Variants in RBBP4 observed in about 807,000 individuals in gnomAD.
The protein encoded by RBBP4 is RB binding protein 4, chromatin remodeling factor.
RBBP4 carries 3 observed loss-of-function variants against 57.2 expected under a neutral mutation model. The observed-to-expected ratio is 0.05, with a 90% CI of 0.02 to 0.14. RBBP4 has a LOEUF of 0.14. Among genes scored for constraint, RBBP4 ranks in the 10% least tolerant of loss-of-function variants. RBBP4 has a pLI of 1.00. For missense variants in RBBP4, 107 were observed against 520.6 expected (o/e 0.21, Z 7.73); for synonymous variants, 151 against 171.5 (o/e 0.88, Z 0.93).
rs1557855416 is a variant in RBBP4 at position 32,663,999 on chromosome 1, C to CT, written c.311-4226_311-4225insT. ...TGGTATGCAGTGGCGCGATCTCGGC[C>CT]CACTGCAAGCTCCGCCTCCTGGGTT... On this transcript the variant is annotated intron_variant, in intron 3 of 11. Coordinates refer to ENST00000373493, the MANE Select transcript of RBBP4 (RefSeq NM_005610.3). Among the ~76,000 whole-genome samples the CT allele has an allele frequency of 4.8e-4, 73 of 150,804 alleles. 1 individual carries two copies. The highest frequency in any genetic ancestry group is 1.8e-3 in the African/African-American group (72 of 40,928).
At chr1:32,655,284 T>G (rs1006270465) in intron 2 of RBBP4, among the ~76,000 whole-genome samples, 1 of 152,190 alleles carries the variant, frequency 6.6e-6, no homozygotes, top group Non-Finnish European at 1.5e-5. Flanking sequence ...GCCCTGTTTT[T>G]GTTTTTTAAG....
At chr1:32,675,762 C>CT (rs1160437461) in intron 11 of RBBP4, among the ~76,000 whole-genome samples, 1 of 151,866 alleles carries the variant, frequency 6.6e-6, no homozygotes, top group Non-Finnish European at 1.5e-5. Flanking sequence ...GGGCGAGACT[C>CT]TGTCTCAAAA....
chr1:32,676,481 G>T (rs1189681242), intron 11 of RBBP4, among the ~76,000 whole-genome samples: 1 of 151,834 alleles, frequency 6.6e-6, no homozygotes, highest in Non-Finnish European at 1.5e-5. Flanking sequence ...ATGGTGACGG[G>T]CGCCTGTAAT....
At chr1:32,676,098 C>T (rs764843888) in intron 11 of RBBP4, among the ~76,000 whole-genome samples, 2 of 151,982 alleles carry the variant, frequency 1.3e-5, no homozygotes, top group African/African-American at 4.8e-5. Flanking sequence ...TCCCTTGAGG[C>T]CAGGAGTTTG....
chr1:32,663,615 C>T (rs1034024411), intron 3 of RBBP4, among the ~76,000 whole-genome samples: 5 of 149,892 alleles, frequency 3.3e-5, no homozygotes, highest in African/African-American at 9.8e-5. Context: ...CTCGCTTTAT[C>T]GCCCAGGCTG....
At chr1:32,668,120 C>A in intron 3 of RBBP4, 105 bp from the exon 4 acceptor site, 1 of 1,056,866 alleles carries the variant, frequency 9.5e-7, no homozygotes, top group Non-Finnish European at 1.4e-6. Context: ...AGTATTATGC[C>A]AGTTTGTTGC....
intron 2 of RBBP4, among the ~76,000 whole-genome samples, chr1:32,654,555 A>G (rs1648050651): frequency 6.6e-6 from 1 of 152,264 alleles, no homozygotes. Flanking sequence ...CCCAAGTAAT[A>G]TAATAGAATG....
chr1:32,656,200 T>A (rs1648131147), intron 2 of RBBP4, among the ~76,000 whole-genome samples: 1 of 152,188 alleles, frequency 6.6e-6, no homozygotes, highest in Admixed American at 6.6e-5. Context: ...TTTATTTTTT[T>A]CTTTTTTGAG....
rs1557849770 is a variant in RBBP4, at chr1:32,653,637, G to GTTTTTTTTGTTTTTTTTTTTTTTTTT, written c.164+1584_164+1585insGTTTTTTTTTTTTTTTTTTTTTTTTT. On this transcript the variant is annotated intron_variant, in intron 2 of 11. Transcript: ENST00000373493. ...TGCTTTGTGTGTTTTTTGTTTTCTG[G>GTTTTTTTTGTTTTTTTTTTTTTTTTT]TTTTTTTTTTTTTTTTTTTTTTGTT... Among the ~76,000 whole-genome samples the GTTTTTTTTGTTTTTTTTTTTTTTTTT allele has an allele frequency of 4.8e-4, 10 of 20,782 alleles. 3 individuals are homozygous for GTTTTTTTTGTTTTTTTTTTTTTTTTT. Among genetic ancestry groups the GTTTTTTTTGTTTTTTTTTTTTTTTTT allele is most frequent in the Admixed American group, 8.8e-4 (1 of 1,134 alleles). 13.6% of individuals were successfully genotyped at this position (20,782 alleles called of 152,430 possible). A position where few individuals can be genotyped will look rare whatever the true frequency, so the allele number is the denominator to read the frequency against.
intron 11 of RBBP4, among the ~76,000 whole-genome samples, chr1:32,674,886 C>T (rs1426738812): frequency 6.6e-6 from 1 of 151,736 alleles, no homozygotes; most frequent in Admixed American, 6.6e-5. Context: ...CACCACCATG[C>T]CCGGCTAGTT....
At chr1:32,675,412 A>C (rs1416898004) in intron 11 of RBBP4, among the ~76,000 whole-genome samples, 1 of 151,900 alleles carries the variant, frequency 6.6e-6, no homozygotes, top group Non-Finnish European at 1.5e-5. Flanking sequence ...CTACATCCAT[A>C]CTTTTTTTTT....
intron 3 of RBBP4, among the ~76,000 whole-genome samples, chr1:32,658,015 G>C (rs189159152): frequency 1.3e-5 from 2 of 152,062 alleles, no homozygotes; most frequent in Non-Finnish European, 2.9e-5. Context: ...ACCACGCCTA[G>C]TTAATTTTTG....
intron 3 of RBBP4, among the ~76,000 whole-genome samples, chr1:32,665,401 G>A (rs891731894): frequency 1.3e-5 from 2 of 152,014 alleles, no homozygotes; most frequent in East Asian, 3.9e-4. Context: ...CACTAGGCCC[G>A]GCCCAGTGGC....
intron 11 of RBBP4, among the ~76,000 whole-genome samples, chr1:32,674,801 C>T (rs982413936): frequency 2.0e-5 from 3 of 151,294 alleles, no homozygotes; most frequent in African/African-American, 7.3e-5. Context: ...AATCTCAGCT[C>T]ACTGCAACCT....
chr1:32,654,091 G>A (rs1648031181), intron 2 of RBBP4, among the ~76,000 whole-genome samples: 1 of 152,006 alleles, frequency 6.6e-6, no homozygotes, highest in African/African-American at 2.4e-5. Context: ...GGAACTTATG[G>A]GCTGGTCATG....
At chr1:32,673,345 C>G in intron 11 of RBBP4, 1 of 348,282 alleles carries the variant, frequency 2.9e-6, no homozygotes, top group Non-Finnish European at 5.6e-6. Context: ...CATATCACAG[C>G]ATCAAATACT....
Position 32,658,722 on chromosome 1 carries a change from A to C in RBBP4, c.310+1150A>C, listed in dbSNP as rs908632333. On this transcript the variant is annotated intron_variant, in intron 3 of 11. Transcript: ENST00000373493. ...CCACCACGCCTGGCTAATTTTTTGTATTTTTAGTAGAGACAGGGTTTCATC... is the reference window on the plus strand; with the variant it reads ...CCACCACGCCTGGCTAATTTTTTGTCTTTTTAGTAGAGACAGGGTTTCATC... Among the ~76,000 whole-genome samples the C allele has an allele frequency of 3.3e-5, 5 of 151,516 alleles. No individual in the cohort carries two copies. In the Admixed American group the frequency reaches 3.3e-4, roughly 10 times the overall value.
At position 32,680,414 on chromosome 1, in the gene RBBP4, A is replaced by G; in HGVS notation, c.*709A>G. 8.1e-7 allele frequency: 1 copy of G among 1,227,662 alleles called. No individual in the cohort carries two copies. Among genetic ancestry groups the G allele is most frequent in the African/African-American group, 2.0e-5 (1 of 49,642 alleles). 76.0% of individuals were successfully genotyped at this position (1,227,662 alleles called of 1,614,324 possible). A position where few individuals can be genotyped will look rare whatever the true frequency, so the allele number is the denominator to read the frequency against. The stretch of plus-strand genomic sequence containing the variant: ...CCAAGTTGTAAAGATGTATGTTTTT[A>G]CCTGACAGTTATACCACAGGTAGAC... On this transcript the variant is annotated 3_prime_UTR_variant, in exon 12 of 12. Transcript: ENST00000373493.
In RBBP4 at chr1:32,684,233, G is replaced by C. The variant is rs1339292828; in HGVS notation, c.*4528G>C. ...CATCCCCTCAGCCAGTATTAGATGAGATTTGTATAGCAGCAGAAACTGACT... is the reference window on the plus strand; with the variant it reads ...CATCCCCTCAGCCAGTATTAGATGACATTTGTATAGCAGCAGAAACTGACT... On this transcript the variant is annotated 3_prime_UTR_variant, in exon 12 of 12. Transcript: ENST00000373493. The C allele has an allele frequency of 1.2e-6, 2 of 1,614,038 alleles. No homozygotes were observed. Among genetic ancestry groups the C allele is most frequent in the South Asian group, 2.2e-5 (2 of 91,078 alleles).
Sources: gnomAD v4.1 joint callset for allele counts (sites outside exome capture counted in the v4.1 genomes callset) on GRCh38, gnomAD v4.1.1 for gene constraint, MANE v1.5 for transcripts, NCBI Gene and HGNC (gene_info 2026-07-23, HGNC 2026-07-21) for gene names.